EGFR: variants seen among roughly 807,000 people sequenced by gnomAD.
The protein encoded by EGFR is epidermal growth factor receptor.
Under a neutral mutation model 143.0 loss-of-function variants are expected in EGFR, and 58 were observed. The ratio of observed to expected loss-of-function variants is 0.41; its 90% confidence interval spans 0.33 to 0.50. EGFR has a LOEUF of 0.50. Ranked by LOEUF, EGFR falls within the 20% of genes least tolerant of loss-of-function variation. The pLI is 0.39. For synonymous variants in EGFR, 613 were observed against 594.4 expected (o/e 1.03, Z -0.45); for missense variants, 1,307 against 1,579.0 (o/e 0.83, Z 2.92).
intron 16 of EGFR, among the ~76,000 whole-genome samples, chr7:55,172,286 G>A (rs2241054): frequency 0.24 from 36,595 of 152,108 alleles, 5,297 homozygotes; most frequent in East Asian, 0.55. Flanking sequence ...ATATCTTACG[G>A]TATTCTAGTG....
intron 1 of EGFR, among the ~76,000 whole-genome samples, chr7:55,114,750 A>G (rs1792726933): frequency 6.6e-6 from 1 of 151,836 alleles, no homozygotes; most frequent in Non-Finnish European, 1.5e-5. Context: ...CAATGTGTTT[A>G]TGTTTTGTTA....
chr7:55,168,868 C>T (rs1330314980), intron 15 of EGFR, among the ~76,000 whole-genome samples: 2 of 152,072 alleles, frequency 1.3e-5, no homozygotes, highest in South Asian at 2.1e-4. Context: ...GTATTTATGA[C>T]GTGCACAACA....
In EGFR at chr7:55,094,922, C is replaced by T. The variant is rs1338369060; in HGVS notation, c.89-47364C>T. On this transcript the variant is annotated intron_variant, in intron 1 of 27. Coordinates refer to ENST00000275493, the MANE Select transcript of EGFR (RefSeq NM_005228.5). ...CATTTTGGACCTTGGCAGTTAGGCC[C>T]CAGTGCAGCAGCGGCAACCATAAAC... Among the ~76,000 whole-genome samples, 8 of 152,306 alleles carry T rather than the reference C, an allele frequency of 5.3e-5. No individual in the cohort carries two copies. In the East Asian group the frequency reaches 1.5e-3, roughly 29 times the overall value.
intron 1 of EGFR, among the ~76,000 whole-genome samples, chr7:55,036,369 G>A (rs1455293883): frequency 1.3e-5 from 2 of 151,028 alleles, no homozygotes; most frequent in African/African-American, 4.9e-5. Context: ...TTCAGGATAG[G>A]TGTCCTAAAT....
intron 22 of EGFR, among the ~76,000 whole-genome samples, chr7:55,194,800 A>G (rs1158585928): frequency 2.0e-5 from 3 of 152,262 alleles, no homozygotes; most frequent in Admixed American, 6.5e-5. Flanking sequence ...GTGTGTTTTC[A>G]ACATCATTGA....
chr7:55,025,500 G>A (rs1786829543), intron 1 of EGFR, among the ~76,000 whole-genome samples: 1 of 152,152 alleles, frequency 6.6e-6, no homozygotes, highest in South Asian at 2.1e-4. Context: ...GAGGAGAAGA[G>A]GAAGGGCAGG....
At chr7:55,082,117 A>G (rs17172437) in intron 1 of EGFR, among the ~76,000 whole-genome samples, 27,891 of 152,164 alleles carry the variant, frequency 0.18, 2,874 homozygotes, top group African/African-American at 0.25. Flanking sequence ...CTCACTGTAC[A>G]AAGTAGGTAA....
intron 5 of EGFR, 30 bp downstream of exon 5, chr7:55,151,392 T>A (rs757968655): frequency 1.2e-6 from 2 of 1,610,934 alleles, no homozygotes; most frequent in South Asian, 1.1e-5. Context: ...CAGACCCATG[T>A]GTGACCGCCC....
At chr7:55,153,710 T>C in intron 6 of EGFR, among the ~76,000 whole-genome samples, 1 of 152,176 alleles carries the variant, frequency 6.6e-6, no homozygotes, top group East Asian at 1.9e-4. Flanking sequence ...CATTCCATAG[T>C]CACCGCTATA....
intron 1 of EGFR, among the ~76,000 whole-genome samples, chr7:55,099,521 G>T (rs75657102): frequency 6.6e-6 from 1 of 152,192 alleles, no homozygotes; most frequent in African/African-American, 2.4e-5. Context: ...CCAGATGGAG[G>T]GGGGAATTCG....
intron 10 of EGFR, 100 bp from the exon 11 acceptor site, chr7:55,157,563 G>A: frequency 1.0e-6 from 1 of 972,020 alleles, no homozygotes; most frequent in East Asian, 2.4e-5. Context: ...CCCACTTACT[G>A]TTCATATAAT....
In EGFR at chr7:55,160,121, T is replaced by G; in HGVS notation, c.1299-18T>G. ...TTTATAATTTTTCACCACATGATTT[T>G]TCTTCTCTCCAATGTAGTGGTCAGT... On this transcript the variant is annotated intron_variant, in intron 11 of 27. Transcript: ENST00000275493. 6.2e-7 allele frequency: 1 copy of G among 1,613,768 alleles called. No individual in the cohort carries two copies. Among genetic ancestry groups the G allele is most frequent in the Non-Finnish European group, 8.5e-7 (1 of 1,179,776 alleles).
intron 20 of EGFR, among the ~76,000 whole-genome samples, chr7:55,186,158 CGT>C (rs1787128113): frequency 6.6e-6 from 1 of 152,182 alleles, no homozygotes; most frequent in Admixed American, 6.5e-5. Context: ...GTGCTGTGTG[CGT>C]GTCATAGCAC....
intron 1 of EGFR, among the ~76,000 whole-genome samples, chr7:55,066,222 C>T (rs112156795): frequency 2.1e-3 from 314 of 152,264 alleles, no homozygotes; most frequent in Non-Finnish European, 3.1e-3. Context: ...AAACTACAGC[C>T]TACATTTTTA....
chr7:55,047,110 G>A (rs180870532), intron 1 of EGFR, among the ~76,000 whole-genome samples: 5 of 152,294 alleles, frequency 3.3e-5, no homozygotes, highest in South Asian at 2.1e-4. Context: ...GTAAAGTGGT[G>A]ATAACACAGT....
intron 11 of EGFR, among the ~76,000 whole-genome samples, chr7:55,159,430 G>C (rs897096000): frequency 1.3e-5 from 2 of 152,150 alleles, no homozygotes; most frequent in Non-Finnish European, 2.9e-5. Flanking sequence ...ATACACATTG[G>C]ACCACCCAAT....
intron 1 of EGFR, among the ~76,000 whole-genome samples, chr7:55,142,044 T>G: frequency 6.6e-6 from 1 of 152,332 alleles, no homozygotes; most frequent in Middle Eastern, 3.4e-3. Flanking sequence ...TATATAAACT[T>G]AAAGATCTTT....
At chr7:55,085,508 C>G (rs887175111) in intron 1 of EGFR, among the ~76,000 whole-genome samples, 1 of 152,186 alleles carries the variant, frequency 6.6e-6, no homozygotes, top group African/African-American at 2.4e-5. Flanking sequence ...GAGGAGTGTT[C>G]TTATCTCTAA....
At chr7:55,030,389 T>G (rs1383107641) in intron 1 of EGFR, among the ~76,000 whole-genome samples, 7 of 152,238 alleles carry the variant, frequency 4.6e-5, no homozygotes, top group African/African-American at 1.7e-4. Flanking sequence ...TCTTTTTTGT[T>G]ATGAAGTAGT....
Sources: allele counts gnomAD v4.1 joint callset (sites outside exome capture counted in the v4.1 genomes callset), GRCh38; gene constraint gnomAD v4.1.1; transcripts MANE v1.5; gene names NCBI Gene and HGNC (gene_info 2026-07-23, HGNC 2026-07-21).